Variants in ANKRD6 observed in about 807,000 individuals in gnomAD.
ANKRD6 encodes ankyrin repeat domain-containing protein 6.
Under a neutral mutation model 82.3 loss-of-function variants are expected in ANKRD6, and 56 were observed. That is an observed-to-expected ratio of 0.68 (90% CI 0.55 to 0.85). The LOEUF is 0.85. Ranked by LOEUF, ANKRD6 falls within the 40% of genes least tolerant of loss-of-function variation. ANKRD6 has a pLI of 0.00. For missense variants in ANKRD6, 852 were observed against 907.6 expected, an observed-to-expected ratio of 0.94 and a Z score of 0.79; for synonymous variants, 347 against 352.1, an observed-to-expected ratio of 0.99 and a Z score of 0.16.
intron 15 of ANKRD6, 139 bp from the exon 16 acceptor site, chr6:89,630,291 AGAG>A: frequency 1.0e-6 from 1 of 972,084 alleles, no homozygotes; most frequent in Non-Finnish European, 1.5e-6. Flanking sequence ...GAAAAGGCTC[AGAG>A]GAGACGTTAC....
intron 1 of ANKRD6, among the ~76,000 whole-genome samples, chr6:89,513,647 T>TA (rs764562873): frequency 6.6e-6 from 1 of 152,222 alleles, no homozygotes; most frequent in Non-Finnish European, 1.5e-5. Flanking sequence ...TTTAAAAAAT[T>TA]ATCTGTATTT....
intron 1 of ANKRD6, among the ~76,000 whole-genome samples, chr6:89,537,933 A>G (rs1391410408): frequency 6.6e-6 from 1 of 151,876 alleles, no homozygotes; most frequent in East Asian, 1.9e-4. Context: ...GTATTATATA[A>G]TGGACTTTAC....
chr6:89,621,911 GCCTCCTT>G lies in ANKRD6; in HGVS notation c.793-9_793-3del. On this transcript the variant is annotated splice_polypyrimidine_tract_variant and splice_region_variant and intron_variant, in intron 9 of 15. Coordinates refer to ENST00000339746, the MANE Select transcript of ANKRD6 (RefSeq NM_001242809.2). The stretch of plus-strand genomic sequence containing the variant: ...ACCAGTGGTTGTAACAATGCCGTTT[GCCTCCTT>G]CAGGTCTTGCGCTTCAGTCGTGGGC... The G allele has an allele frequency of 6.2e-7, 1 of 1,613,394 alleles. No individual in the cohort carries two copies.
chr6:89,544,672 C>T (rs1401233107), intron 1 of ANKRD6, among the ~76,000 whole-genome samples: 1 of 151,916 alleles, frequency 6.6e-6, no homozygotes, highest in African/African-American at 2.4e-5. Flanking sequence ...CAAGATTGTG[C>T]CACTGCACTC....
intron 1 of ANKRD6, among the ~76,000 whole-genome samples, chr6:89,472,548 T>A (rs1775600746): frequency 6.6e-6 from 1 of 152,202 alleles, no homozygotes; most frequent in South Asian, 2.1e-4. Flanking sequence ...GACTCCTGGG[T>A]CTTTGCCACC....
At chr6:89,455,656 G>C (rs1271057856) in intron 1 of ANKRD6, among the ~76,000 whole-genome samples, 1 of 151,984 alleles carries the variant, frequency 6.6e-6, no homozygotes, top group Admixed American at 6.6e-5. Flanking sequence ...ACAAGATCTT[G>C]TTGTTTTAAA....
chr6:89,615,671 C>T (rs770804802), intron 7 of ANKRD6, among the ~76,000 whole-genome samples: 103 of 152,260 alleles, frequency 6.8e-4, no homozygotes, highest in Non-Finnish European at 1.0e-3. Flanking sequence ...AAAAATTTTC[C>T]CACCCCTCAC....
In ANKRD6 at chr6:89,566,827, C is replaced by A. The variant is rs571414322; in HGVS notation, c.-143-7C>A. ...CCCTGATGGCACCTTTGTTTTGTAA[C>A]CCCTAGGTCCCGAAGATGGCATATT... On this transcript the variant is annotated splice_region_variant and splice_polypyrimidine_tract_variant and intron_variant, in intron 1 of 15. Coordinates refer to ENST00000339746, the MANE Select transcript of ANKRD6 (RefSeq NM_001242809.2). The A allele has an allele frequency of 6.4e-6, 7 of 1,102,272 alleles. No homozygotes were observed. In the African/African-American group the frequency reaches 9.5e-5, roughly 15 times the overall value. 68.3% of individuals were successfully genotyped at this position (1,102,272 alleles called of 1,614,324 possible).
chr6:89,445,697 G>A (rs1417018517), intron 1 of ANKRD6, among the ~76,000 whole-genome samples: 1 of 152,054 alleles, frequency 6.6e-6, no homozygotes, highest in Admixed American at 6.5e-5. Flanking sequence ...GCCCGCCTCG[G>A]CCTCCCAAAG....
At chr6:89,471,228 T>A (rs1185659385) in intron 1 of ANKRD6, among the ~76,000 whole-genome samples, 1 of 151,916 alleles carries the variant, frequency 6.6e-6, no homozygotes, top group African/African-American at 2.4e-5. Context: ...GGCAGGCGCC[T>A]GTAATCCCAG....
Position 89,457,545 on chromosome 6 carries a change from TCTGA to T in ANKRD6, c.-144+24173_-144+24176del, listed in dbSNP as rs1285973297. 1.1e-4 allele frequency among the ~76,000 whole-genome samples: 16 copies of T among 152,346 alleles called. No homozygotes were observed. The South Asian group carries it at 2.9e-3, about 28-fold the overall frequency. Reference sequence around the variant, plus strand: ...TAAATTTTTATGCTTAATCTCTCTATCTGACTAACAAAAACCATTATACTAATCC... The same window carrying T: ...TAAATTTTTATGCTTAATCTCTCTATCTAACAAAAACCATTATACTAATCC... On this transcript the variant is annotated intron_variant, in intron 1 of 15. Coordinates refer to ENST00000339746, the MANE Select transcript of ANKRD6 (RefSeq NM_001242809.2).
chr6:89,498,807 A>C (rs1443261855), intron 1 of ANKRD6, among the ~76,000 whole-genome samples: 1 of 152,204 alleles, frequency 6.6e-6, no homozygotes, highest in Non-Finnish European at 1.5e-5. Flanking sequence ...TAAGCTCCTG[A>C]ATAGCTTTGT....
At chr6:89,531,889 G>T (rs1783194895) in intron 1 of ANKRD6, among the ~76,000 whole-genome samples, 1 of 152,324 alleles carries the variant, frequency 6.6e-6, no homozygotes, top group Admixed American at 6.5e-5. Context: ...CTGTAGGGTG[G>T]GTTGGCATGC....
rs531438486 is a variant in ANKRD6, at chr6:89,567,105, A to AG, written c.120+10dup. 6.9e-5 allele frequency: 109 copies of AG among 1,580,788 alleles called. No individual in the cohort carries two copies. In the East Asian group the frequency reaches 2.4e-3, roughly 34 times the overall value. ...GGGTAGCGGTTACCAAGGTAACAAG[A>AG]GAAAAATACGCTGTAGCCATTCCCT... On this transcript the variant is annotated intron_variant, in intron 2 of 15. Transcript: ENST00000339746.
rs745374466 is a variant in ANKRD6 at position 89,630,584 on chromosome 6, G to A, written c.1764G>A (p.Leu588=). The stretch of plus-strand genomic sequence containing the variant: ...CTTCTGACTGTACAGGCTCCCGACT[G>A]AGAAACGTCAAGGTCCAGACAGCCT... ...LSSSDCTGSR[L]RNVKVQTALL... The change falls in exon 16 of 16, where the codon CTG becomes CTA. Residue 588 remains leucine, a synonymous_variant. Transcript: ENST00000339746. The A allele has an allele frequency of 1.2e-6, 2 of 1,613,928 alleles. No homozygotes were observed. Among genetic ancestry groups the A allele is most frequent in the Non-Finnish European group, 1.7e-6 (2 of 1,179,826 alleles).
intron 1 of ANKRD6, among the ~76,000 whole-genome samples, chr6:89,544,667 TTGTG>T (rs1422397483): frequency 3.3e-5 from 5 of 152,014 alleles, no homozygotes; most frequent in Admixed American, 2.0e-4. Context: ...TGAGCCAAGA[TTGTG>T]CCACTGCACT....
chr6:89,614,928 A>G (rs529576814), intron 7 of ANKRD6, among the ~76,000 whole-genome samples: 42 of 151,956 alleles, frequency 2.8e-4, no homozygotes, highest in Non-Finnish European at 4.7e-4. Flanking sequence ...TTGCACTGCC[A>G]CTTACTTACA....
intron 1 of ANKRD6, among the ~76,000 whole-genome samples, chr6:89,441,005 A>G (rs968605621): frequency 1.3e-5 from 2 of 151,964 alleles, no homozygotes; most frequent in African/African-American, 2.4e-5. Flanking sequence ...TTACAGAAAA[A>G]CATGTTGATG....
intron 1 of ANKRD6, among the ~76,000 whole-genome samples, chr6:89,560,497 C>T (rs1476809534): frequency 5.3e-5 from 8 of 152,246 alleles, no homozygotes; most frequent in East Asian, 1.9e-4. Flanking sequence ...AATTGGGGGA[C>T]GCAATTCAGT....
Sources: gnomAD v4.1 joint callset for allele counts (sites outside exome capture counted in the v4.1 genomes callset) on GRCh38, gnomAD v4.1.1 for gene constraint, MANE v1.5 for transcripts, NCBI Gene and HGNC (gene_info 2026-07-23, HGNC 2026-07-21) for gene names.